COMMD1: variants seen among roughly 807,000 people sequenced by gnomAD.
COMMD1 encodes the protein copper metabolism domain containing 1, also known as COMM domain-containing protein 1.
COMMD1 carries 10 observed loss-of-function variants against 17.2 expected under a neutral mutation model. That is an observed-to-expected ratio of 0.58 (90% CI 0.36 to 0.99). The LOEUF (loss-of-function observed/expected upper bound fraction) is 0.99. COMMD1 is among the 50% of genes least tolerant of loss of function. COMMD1 has a pLI of 0.01. For missense variants in COMMD1, 270 were observed against 231.8 expected (o/e 1.17, Z -1.07); for synonymous variants, 97 against 91.6 (o/e 1.06, Z -0.34).
At chr2:62,077,722 A>G (rs1442372244) in intron 2 of COMMD1, among the ~76,000 whole-genome samples, 1 of 152,170 alleles carries the variant, frequency 6.6e-6, no homozygotes, top group Admixed American at 6.5e-5. Flanking sequence ...GAGAGTGGTC[A>G]TGGCCCGTGA....
intron 2 of COMMD1, among the ~76,000 whole-genome samples, chr2:62,113,114 G>GTA (rs1672498201): frequency 6.6e-6 from 1 of 152,088 alleles, no homozygotes. Flanking sequence ...GGGAGGCAGA[G>GTA]GTGGGAGGTC....
chr2:62,056,876 C>A (rs1558580171), intron 2 of COMMD1, among the ~76,000 whole-genome samples: 1 of 152,174 alleles, frequency 6.6e-6, no homozygotes, highest in Non-Finnish European at 1.5e-5. Context: ...ATGTTTGAGG[C>A]AACTTCAAAT....
intron 1 of COMMD1, among the ~76,000 whole-genome samples, chr2:61,889,007 A>C (rs574934071): frequency 6.7e-6 from 1 of 150,266 alleles, no homozygotes; most frequent in East Asian, 2.0e-4. Context: ...CCCAGGTTCA[A>C]GCGATCCTCC....
intron 2 of COMMD1, among the ~76,000 whole-genome samples, chr2:62,060,995 C>T (rs1670840967): frequency 6.6e-6 from 1 of 151,810 alleles, no homozygotes. Flanking sequence ...GCTGTTTTGA[C>T]CTTTTAGGGA....
intron 2 of COMMD1, among the ~76,000 whole-genome samples, chr2:62,110,217 G>A (rs1672420353): frequency 6.6e-6 from 1 of 151,992 alleles, no homozygotes; most frequent in African/African-American, 2.4e-5. Flanking sequence ...CTACAGGGGT[G>A]CACCAACATG....
chr2:62,049,954 A>T (rs1451471899), intron 2 of COMMD1, among the ~76,000 whole-genome samples: 3 of 152,216 alleles, frequency 2.0e-5, no homozygotes, highest in Non-Finnish European at 4.4e-5. Flanking sequence ...GCATGAATAT[A>T]TCTGACAGAT....
At chr2:62,066,121 A>C (rs183159349) in intron 2 of COMMD1, among the ~76,000 whole-genome samples, 43 of 152,268 alleles carry the variant, frequency 2.8e-4, no homozygotes, top group Admixed American at 2.4e-3. Context: ...ACTTGTCCTT[A>C]TTTCTTCTGA....
chr2:61,949,203 C>T (rs1670988380), intron 1 of COMMD1, among the ~76,000 whole-genome samples: 1 of 151,904 alleles, frequency 6.6e-6, no homozygotes, highest in African/African-American at 2.4e-5. Context: ...CTAGTGCTGC[C>T]GTGGCAGAGC....
At chr2:62,022,900 T>G (rs769871013) in intron 2 of COMMD1, among the ~76,000 whole-genome samples, 2 of 152,076 alleles carry the variant, frequency 1.3e-5, no homozygotes, top group African/African-American at 2.4e-5. Flanking sequence ...GGGAAGTAAA[T>G]GTACTTCATG....
At chr2:62,003,367 C>T (rs1265706075) in intron 2 of COMMD1, among the ~76,000 whole-genome samples, 3 of 151,498 alleles carry the variant, frequency 2.0e-5, no homozygotes, top group East Asian at 1.9e-4. Context: ...CAGTGAAACC[C>T]GTCTCTACTA....
chr2:62,089,341 A>G (rs953586871), intron 2 of COMMD1, among the ~76,000 whole-genome samples: 10 of 142,166 alleles, frequency 7.0e-5, no homozygotes, highest in Admixed American at 6.7e-4. Flanking sequence ...GCTGGAGTGC[A>G]GTGGCGTGAT....
At chr2:62,039,883 T>G (rs1172254621) in intron 2 of COMMD1, among the ~76,000 whole-genome samples, 1 of 152,230 alleles carries the variant, frequency 6.6e-6, no homozygotes, top group Non-Finnish European at 1.5e-5. Context: ...ACATGTAGTT[T>G]TATTGCCCAA....
chr2:62,090,379 A>G (rs1016146246), intron 2 of COMMD1, among the ~76,000 whole-genome samples: 1 of 152,226 alleles, frequency 6.6e-6, no homozygotes, highest in Admixed American at 6.5e-5. Flanking sequence ...TTTGAACCCT[A>G]TGATAGATCT....
At chr2:62,118,663 G>A (rs1405134530) in intron 2 of COMMD1, among the ~76,000 whole-genome samples, 1 of 152,126 alleles carries the variant, frequency 6.6e-6, no homozygotes, top group Non-Finnish European at 1.5e-5. Context: ...TTTCTTTTGT[G>A]CCATTTTCTA....
At chr2:61,997,082 C>T (rs570768138) in intron 1 of COMMD1, among the ~76,000 whole-genome samples, 4 of 145,722 alleles carry the variant, frequency 2.7e-5, no homozygotes, top group African/African-American at 1.0e-4. Context: ...TCTTTTTAGA[C>T]AGGGTCTTGC....
At chr2:62,100,156 A>G (rs1441398430) in intron 2 of COMMD1, 1 of 152,102 alleles carries the variant, frequency 6.6e-6, no homozygotes, top group East Asian at 1.9e-4. Context: ...CCATCAACCA[A>G]AATGGGAGGT....
intron 1 of COMMD1, among the ~76,000 whole-genome samples, chr2:61,962,743 G>A (rs1364725688): frequency 6.6e-6 from 1 of 152,114 alleles, no homozygotes; most frequent in Non-Finnish European, 1.5e-5. Context: ...TGTGATAGGT[G>A]GGTGATTTGT....
chr2:61,963,190 T>TACACACACACACACACACACACAC (rs375894719), intron 1 of COMMD1, among the ~76,000 whole-genome samples: 2 of 136,374 alleles, frequency 1.5e-5, no homozygotes, highest in African/African-American at 5.9e-5. Flanking sequence ...ATATATTATA[T>TACACACACACACACACACACACAC]ACACACACAC....
At chr2:61,938,491 G>T (rs926829361) in intron 1 of COMMD1, among the ~76,000 whole-genome samples, 3 of 152,140 alleles carry the variant, frequency 2.0e-5, no homozygotes, top group African/African-American at 4.8e-5. Flanking sequence ...CTAGGATCAC[G>T]GTTAAACAAG....
Sources: gnomAD v4.1 joint callset for allele counts (sites outside exome capture counted in the v4.1 genomes callset) on GRCh38, gnomAD v4.1.1 for gene constraint, MANE v1.5 for transcripts, NCBI Gene and HGNC (gene_info 2026-07-23, HGNC 2026-07-21) for gene names.